PCDH15: variants seen among roughly 807,000 people sequenced by gnomAD.
The protein encoded by PCDH15 is protocadherin-15.
In PCDH15, 129 loss-of-function variants were observed where a neutral mutation model predicts 178.5. The ratio of observed to expected loss-of-function variants is 0.72; its 90% confidence interval spans 0.63 to 0.84. PCDH15 has a LOEUF of 0.84. Ranked by LOEUF, PCDH15 falls within the 40% of genes least tolerant of loss-of-function variation. PCDH15 has a pLI of 0.00. For missense variants in PCDH15, 2,230 were observed against 2,099.9 expected (o/e 1.06, Z -1.21); for synonymous variants, 800 against 732.0 (o/e 1.09, Z -1.50).
intron 11 of PCDH15, among the ~76,000 whole-genome samples, chr10:54,187,777 A>G (rs2048610143): frequency 6.6e-6 from 1 of 151,866 alleles, no homozygotes; most frequent in Non-Finnish European, 1.5e-5. Context: ...ACATTTATGT[A>G]TATTTAAAAT....
chr10:54,957,474 A>G (rs1457907286), intron 2 of PCDH15, among the ~76,000 whole-genome samples: 1 of 151,656 alleles, frequency 6.6e-6, no homozygotes, highest in East Asian at 1.9e-4. Flanking sequence ...TTCAAACAGA[A>G]CAGGTTTAGA....
chr10:55,167,364 C>T (rs1839223429), intron 1 of PCDH15, among the ~76,000 whole-genome samples: 10 of 152,154 alleles, frequency 6.6e-5, no homozygotes, highest in Admixed American at 3.9e-4. Context: ...GATTCTCCCA[C>T]CTTGGCCTCC....
At chr10:54,784,830 G>C (rs2133456653) in intron 1 of PCDH15, among the ~76,000 whole-genome samples, 1 of 152,136 alleles carries the variant, frequency 6.6e-6, no homozygotes, top group African/African-American at 2.4e-5. Flanking sequence ...ATACATGCTG[G>C]TTTTGGTCTT....
chr10:54,302,084 G>A (rs1213908530), intron 8 of PCDH15, among the ~76,000 whole-genome samples: 1 of 152,028 alleles, frequency 6.6e-6, no homozygotes, highest in Non-Finnish European at 1.5e-5. Context: ...TACTGTTTGT[G>A]TTAGTAACAG....
At chr10:53,809,412 G>T (rs758734084) in intron 37 of PCDH15, 1 of 1,613,942 alleles carries the variant, frequency 6.2e-7, no homozygotes, top group Non-Finnish European at 8.5e-7. Context: ...AAATCATGGG[G>T]AATATTCTGG....
At chr10:54,479,758 A>T (rs1224043038) in intron 3 of PCDH15, among the ~76,000 whole-genome samples, 1 of 151,854 alleles carries the variant, frequency 6.6e-6, no homozygotes, top group East Asian at 1.9e-4. Context: ...CTTCTCACAG[A>T]AAAAAATGAG....
At chr10:54,097,125 C>A (rs2094713948) in intron 15 of PCDH15, among the ~76,000 whole-genome samples, 1 of 152,152 alleles carries the variant, frequency 6.6e-6, no homozygotes. Flanking sequence ...ATAATTTTTC[C>A]CAGGCTTCTT....
At chr10:55,072,009 A>T (rs1461551594) in intron 2 of PCDH15, among the ~76,000 whole-genome samples, 2 of 152,200 alleles carry the variant, frequency 1.3e-5, no homozygotes, top group African/African-American at 2.4e-5. Flanking sequence ...TGGGTACCTA[A>T]CGAAATGAAG....
intron 2 of PCDH15, among the ~76,000 whole-genome samples, chr10:55,161,902 T>C (rs188176998): frequency 4.9e-4 from 75 of 152,288 alleles, no homozygotes; most frequent in Admixed American, 1.4e-3. Flanking sequence ...TGAATGCGCT[T>C]ATTATTCTAG....
intron 2 of PCDH15, chr10:55,599,428 T>C (rs1843018300): frequency 6.6e-6 from 1 of 152,296 alleles, no homozygotes; most frequent in Non-Finnish European, 1.5e-5. Context: ...GTAAAAGATT[T>C]TACCACCATA....
intron 3 of PCDH15, among the ~76,000 whole-genome samples, chr10:54,521,044 A>G (rs1280386816): frequency 8.0e-6 from 1 of 124,554 alleles, no homozygotes; most frequent in Admixed American, 1.0e-4. Context: ...GGGGAACATC[A>G]CATTCTGGGG....
At chr10:55,609,274 C>G (rs1467412574) in intron 2 of PCDH15, among the ~76,000 whole-genome samples, 4 of 151,984 alleles carry the variant, frequency 2.6e-5, no homozygotes, top group African/African-American at 9.7e-5. Flanking sequence ...CACACTACAC[C>G]AGATGACAAG....
At chr10:53,918,864 A>C (rs925232123) in intron 25 of PCDH15, among the ~76,000 whole-genome samples, 1 of 152,128 alleles carries the variant, frequency 6.6e-6, no homozygotes, top group South Asian at 2.1e-4. Context: ...TGTAGGTCCA[A>C]ATGGGTCTCA....
At chr10:55,288,222 T>A (rs890847963) in intron 1 of PCDH15, among the ~76,000 whole-genome samples, 5 of 150,352 alleles carry the variant, frequency 3.3e-5, no homozygotes, top group East Asian at 3.9e-4. Context: ...GAAAAAAAAA[T>A]TGGGAGAAAA....
At chr10:54,308,318 T>C (rs190497350) in intron 8 of PCDH15, among the ~76,000 whole-genome samples, 1 of 152,226 alleles carries the variant, frequency 6.6e-6, no homozygotes, top group Non-Finnish European at 1.5e-5. Flanking sequence ...TTTAAAGTAA[T>C]ACTTTGAACA....
chr10:55,139,645 T>A (rs951579115), intron 2 of PCDH15, among the ~76,000 whole-genome samples: 4 of 152,052 alleles, frequency 2.6e-5, no homozygotes, highest in African/African-American at 7.2e-5. Flanking sequence ...GTTCCATCGA[T>A]CTGCAGATCT....
Position 53,806,711 on chromosome 10 carries a change from T to A in PCDH15, c.5091A>T (p.Glu1697Asp). The A allele has an allele frequency of 6.2e-7, 1 of 1,613,872 alleles. No homozygotes were observed. Among genetic ancestry groups the A allele is most frequent in the Non-Finnish European group, 8.5e-7 (1 of 1,179,798 alleles). Residue 1697 changes from glutamate to aspartate, a missense_variant, in exon 38 of 38, where the codon GAA becomes GAT. Coordinates refer to ENST00000644397, the MANE Select transcript of PCDH15 (RefSeq NM_001384140.1). ...PLRNRLKSTV[E>D]QESMIDSKNI... Reference sequence around the variant, plus strand: ...TCTTACTGTCAATCATGGACTCCTGTTCAACTGTGCTTTTCAGCCTGTTCC... The same window carrying A: ...TCTTACTGTCAATCATGGACTCCTGATCAACTGTGCTTTTCAGCCTGTTCC...
chr10:55,253,528 A>G (rs1841902213), intron 1 of PCDH15, among the ~76,000 whole-genome samples: 1 of 152,242 alleles, frequency 6.6e-6, no homozygotes, highest in Admixed American at 6.5e-5. Flanking sequence ...AATTGCTGAG[A>G]TTTATTGAGA....
At chr10:54,646,113 T>C (rs925328857) in intron 2 of PCDH15, among the ~76,000 whole-genome samples, 19 of 152,190 alleles carry the variant, frequency 1.2e-4, no homozygotes, top group African/African-American at 4.6e-4. Flanking sequence ...TCTTTGTTTA[T>C]ATGAAACTAT....
Sources: allele counts gnomAD v4.1 joint callset (sites outside exome capture counted in the v4.1 genomes callset), GRCh38; gene constraint gnomAD v4.1.1; transcripts MANE v1.5; gene names NCBI Gene and HGNC (gene_info 2026-07-23, HGNC 2026-07-21).